The following SBF2 variants were observed in gnomAD, a reference collection of about 807,000 sequenced individuals.
The protein encoded by SBF2 is SET binding factor 2.
In SBF2, 112 loss-of-function variants were observed where a neutral mutation model predicts 225.2. That is an observed-to-expected ratio of 0.50 (90% CI 0.43 to 0.58). The LOEUF is 0.58. SBF2 is among the 20% of genes least tolerant of loss of function. The probability of loss-of-function intolerance (pLI) is 0.00; values close to 1 mark genes in which losing one functional copy is unlikely to be tolerated. For missense variants in SBF2, 1,996 were observed against 2,206.2 expected, an observed-to-expected ratio of 0.90 and a Z score of 1.91; for synonymous variants, 763 against 773.3, an observed-to-expected ratio of 0.99 and a Z score of 0.22.
chr11:10,204,999 G>A (rs1039244145), intron 1 of SBF2, among the ~76,000 whole-genome samples: 6 of 151,496 alleles, frequency 4.0e-5, no homozygotes, highest in South Asian at 4.2e-4. Flanking sequence ...TACACACCGC[G>A]GCCTGTTGGG....
At chr11:10,174,014 T>C (rs1956340549) in intron 2 of SBF2, among the ~76,000 whole-genome samples, 1 of 151,524 alleles carries the variant, frequency 6.6e-6, no homozygotes. Context: ...CATCTGTACA[T>C]CACCATCATC....
chr11:10,186,481 A>G (rs61421359), intron 2 of SBF2, among the ~76,000 whole-genome samples: 1,621 of 152,298 alleles, frequency 0.011, 35 homozygotes, highest in African/African-American at 0.037. Context: ...ACAATGAACT[A>G]AGATCACACC....
intron 16 of SBF2, among the ~76,000 whole-genome samples, chr11:9,936,947 T>C (rs1418297156): frequency 6.6e-6 from 1 of 152,126 alleles, no homozygotes. Flanking sequence ...AAGAGTGGCA[T>C]TAATCACTGT....
rs537426001 is a variant in SBF2, at chr11:9,781,490, A to G, written c.5451+17T>C. On this transcript the variant is annotated intron_variant, in intron 39 of 39. Coordinates refer to ENST00000256190, the MANE Select transcript of SBF2 (RefSeq NM_030962.4). The stretch of plus-strand genomic sequence containing the variant: ...TGTGCAGACAGAGCCAGGAAAAGAG[A>G]AGTAAGATCAACTTACATCAAAGAA... The G allele has an allele frequency of 6.2e-7, 1 of 1,614,150 alleles. No homozygotes were observed. The highest frequency in any genetic ancestry group is 1.7e-5 in the Admixed American group (1 of 60,032).
intron 1 of SBF2, among the ~76,000 whole-genome samples, chr11:10,226,789 T>C (rs61892599): frequency 0.11 from 16,118 of 152,204 alleles, 1,003 homozygotes; most frequent in Non-Finnish European, 0.11. Flanking sequence ...ACAATAAACA[T>C]ACATGTGCAT....
At chr11:10,039,417 TTA>T (rs1482365604) in intron 3 of SBF2, among the ~76,000 whole-genome samples, 1 of 151,844 alleles carries the variant, frequency 6.6e-6, no homozygotes, top group Admixed American at 6.6e-5. Flanking sequence ...AGACATTAAC[TTA>T]TGTTTCCAGA....
At chr11:9,850,329 C>T in intron 21 of SBF2, 111 bp from the exon 22 acceptor site, 1 of 971,130 alleles carries the variant, frequency 1.0e-6, no homozygotes, top group East Asian at 2.5e-5. Context: ...AATCATAGTT[C>T]ACTGCAGCAT....
intron 2 of SBF2, among the ~76,000 whole-genome samples, chr11:10,125,310 T>A (rs1353675221): frequency 1.3e-5 from 2 of 152,118 alleles, no homozygotes; most frequent in Admixed American, 6.6e-5. Context: ...TGCTTAGGAT[T>A]TTTGCAACCA....
intron 1 of SBF2, among the ~76,000 whole-genome samples, chr11:10,288,913 C>T (rs1034716003): frequency 7.9e-5 from 12 of 152,180 alleles, no homozygotes; most frequent in African/African-American, 2.7e-4. Flanking sequence ...AGCTGGGCCC[C>T]CAGTCTTCAA....
intron 16 of SBF2, among the ~76,000 whole-genome samples, chr11:9,898,274 A>C (rs1275424518): frequency 1.3e-5 from 2 of 152,192 alleles, no homozygotes; most frequent in African/African-American, 4.8e-5. Flanking sequence ...TTTTGGTACT[A>C]GGATCAGCTA....
chr11:10,062,341 G>C (rs1186816611), intron 2 of SBF2, among the ~76,000 whole-genome samples: 1 of 152,104 alleles, frequency 6.6e-6, no homozygotes. Flanking sequence ...TTGACAAATG[G>C]GGTCTAATTT....
chr11:9,959,987 GT>G (rs1357552463), intron 16 of SBF2: 3 of 294,026 alleles, frequency 1.0e-5, no homozygotes, highest in Non-Finnish European at 2.0e-5. Context: ...GATTTGTAGG[GT>G]TTTTTCTTTT....
At chr11:10,066,735 A>G (rs1228027675) in intron 2 of SBF2, among the ~76,000 whole-genome samples, 3 of 152,098 alleles carry the variant, frequency 2.0e-5, no homozygotes, top group African/African-American at 7.2e-5. Flanking sequence ...TTCTATCACC[A>G]CTTGTATTCA....
chr11:10,219,440 G>T (rs1236502960), intron 1 of SBF2, among the ~76,000 whole-genome samples: 2 of 152,178 alleles, frequency 1.3e-5, no homozygotes, highest in African/African-American at 2.4e-5. Flanking sequence ...TAGGCCTCTG[G>T]ATCTGTGATG....
intron 2 of SBF2, among the ~76,000 whole-genome samples, chr11:10,085,247 T>C (rs758600929): frequency 7.2e-5 from 11 of 152,214 alleles, no homozygotes; most frequent in Non-Finnish European, 1.6e-4. Flanking sequence ...TTATTGTTTC[T>C]TCACTGTTTC....
In SBF2 at chr11:9,806,957, G is replaced by A. The variant is rs187462241; in HGVS notation, c.4443+1043C>T. 3.3e-3 allele frequency among the ~76,000 whole-genome samples: 502 copies of A among 152,302 alleles called. 3 individuals carry two copies. Among genetic ancestry groups the A allele is most frequent in the South Asian group, 5.2e-3 (25 of 4,820 alleles). On this transcript the variant is annotated intron_variant, in intron 32 of 39. Coordinates refer to ENST00000256190, the MANE Select transcript of SBF2 (RefSeq NM_030962.4). ...TAGTGATCTGGAAAGTTGATCAAGT[G>A]ATTACTAGAATAAAAACAAAATAAA... is the stretch of plus-strand genomic sequence containing the variant.
chr11:9,988,549 C>T (rs1947288604), intron 13 of SBF2, among the ~76,000 whole-genome samples: 1 of 152,008 alleles, frequency 6.6e-6, no homozygotes, highest in African/African-American at 2.4e-5. Flanking sequence ...CAAACTCAAA[C>T]AAATCAGTAA....
chr11:10,143,921 G>A (rs1009697535), intron 2 of SBF2, among the ~76,000 whole-genome samples: 8 of 151,798 alleles, frequency 5.3e-5, no homozygotes, highest in Admixed American at 3.3e-4. Context: ...GGGTTTCACC[G>A]CATTAGCCAG....
intron 1 of SBF2, among the ~76,000 whole-genome samples, chr11:10,230,693 T>C (rs1440403823): frequency 5.9e-5 from 9 of 152,238 alleles, no homozygotes; most frequent in Admixed American, 5.9e-4. Flanking sequence ...GTTAGTCTGA[T>C]GGGCTTCCCT....
Sources: gnomAD v4.1 joint callset for allele counts (sites outside exome capture counted in the v4.1 genomes callset) on GRCh38, gnomAD v4.1.1 for gene constraint, MANE v1.5 for transcripts, NCBI Gene and HGNC (gene_info 2026-07-23, HGNC 2026-07-21) for gene names.